Variants in SEPTIN5 observed in about 807,000 individuals in gnomAD.
The protein encoded by SEPTIN5 is septin 5.
SEPTIN5 carries 16 observed loss-of-function variants against 51.2 expected under a neutral mutation model. That is an observed-to-expected ratio of 0.31 (90% CI 0.21 to 0.47). The LOEUF (loss-of-function observed/expected upper bound fraction) is 0.47, where lower values mean the gene tolerates loss of function less well. Ranked by LOEUF, SEPTIN5 falls within the 20% of genes least tolerant of loss-of-function variation. The pLI is 0.99. For synonymous variants in SEPTIN5, 208 were observed against 191.2 expected (o/e 1.09, Z -0.72); for missense variants, 376 against 500.3 (o/e 0.75, Z 2.37).
rs1936070119 is a variant in SEPTIN5, at chr22:19,722,592, C to G, written c.*108C>G. On this transcript the variant is annotated 3_prime_UTR_variant, in exon 12 of 12. Transcript: ENST00000455784. ...GCGGGGCCACAGCCCCCAGCTGACC[C>G]TAATTTATTCTCAGCACCACCCCCT... is the stretch of plus-strand genomic sequence containing the variant. The G allele has an allele frequency of 1.7e-6, 2 of 1,178,312 alleles. No individual in the cohort carries two copies. The highest frequency in any genetic ancestry group is 5.1e-5 in the East Asian group (2 of 38,888). The allele number at this position is 1,178,312 out of a possible 1,614,324, so 73.0% of individuals were successfully genotyped here. A position where few individuals can be genotyped will look rare whatever the true frequency, so the allele number is the denominator to read the frequency against.
intron 2 of SEPTIN5, chr22:19,717,662 C>G (rs765252819): frequency 3.5e-6 from 1 of 288,116 alleles, no homozygotes; most frequent in African/African-American, 2.3e-5. Flanking sequence ...CCTTCCCTTC[C>G]CTTCTGTCCA....
At chr22:19,718,268 C>A in intron 2 of SEPTIN5, 1 of 392,478 alleles carries the variant, frequency 2.5e-6, no homozygotes, top group Non-Finnish European at 3.5e-6. Context: ...CCCGGGGGCG[C>A]GGCAGGGCTC....
At chr22:19,721,188 A>G (rs1164686563) in intron 8 of SEPTIN5, among the ~76,000 whole-genome samples, 1 of 152,194 alleles carries the variant, frequency 6.6e-6, no homozygotes, top group African/African-American at 2.4e-5. Context: ...ATGGGTCACC[A>G]GAGGAAGGGG....
intron 2 of SEPTIN5, chr22:19,717,877 A>G (rs1935937897): frequency 5.9e-6 from 1 of 169,428 alleles, no homozygotes; most frequent in Non-Finnish European, 1.3e-5. Flanking sequence ...CATTACACAC[A>G]CACACATTAC....
chr22:19,721,604 T>A, intron 8 of SEPTIN5, 36 bp from the exon 9 acceptor site: 1 of 1,610,106 alleles, frequency 6.2e-7, no homozygotes, highest in Non-Finnish European at 8.5e-7. Flanking sequence ...GCAATTACGC[T>A]CACCGGGTGT....
At position 19,714,736 on chromosome 22, in the gene SEPTIN5, C is replaced by A; in HGVS notation, c.44-45C>A. On this transcript the variant is annotated intron_variant, in intron 1 of 11. Coordinates refer to ENST00000455784, the MANE Select transcript of SEPTIN5 (RefSeq NM_002688.6). This position sits in a 1 kb window ranked among gnomAD's most constrained non-coding sequence, Gnocchi z 5.2. ...TCTCCCCCGCCCGCCGGCCCGGACC[C>A]GCTCGGAACCGGACCCGGACTCGAC... The A allele has an allele frequency of 6.3e-7, 1 of 1,579,038 alleles. No homozygotes were observed. The highest frequency in any genetic ancestry group is 2.3e-5 in the East Asian group (1 of 43,040).
rs767642478 is a variant in SEPTIN5 at position 19,719,810 on chromosome 22, G to A, written c.156G>A (p.Glu52=). 13 of 1,612,938 alleles carry A rather than the reference G, an allele frequency of 8.1e-6. No individual in the cohort carries two copies. The highest frequency in any genetic ancestry group is 1.7e-6 in the Non-Finnish European group (2 of 1,179,974). The change falls in exon 4 of 12, where the codon GAG becomes GAA. Residue 52 remains glutamate, a synonymous_variant. Coordinates refer to ENST00000455784, the MANE Select transcript of SEPTIN5 (RefSeq NM_002688.6). ...CTTCTCTGTACCTGTGTGCAGGTGAGTCAGGCCTGGGGAAGTCCACACTGG... is the reference window on the plus strand; with the variant it reads ...CTTCTCTGTACCTGTGTGCAGGTGAATCAGGCCTGGGGAAGTCCACACTGG... ...GFDFTLMVAG[E]SGLGKSTLVH...
rs1014517317 is a variant in SEPTIN5, at chr22:19,722,245, C to T, written c.959C>T (p.Thr320Ile). ...CCCCCCGCCCCGCGCAGCAAACTGACCCAGGACAGCCGCATGGAGAGCCCC... is the reference window on the plus strand; with the variant it reads ...CCCCCCGCCCCGCGCAGCAAACTGATCCAGGACAGCCGCATGGAGAGCCCC... ...HCIQQMTSKL[T>I]QDSRMESPIP... is the part of the protein sequence containing the mutation. The change falls in exon 11 of 12, where the codon ACC becomes ATC. Residue 320 changes from threonine to isoleucine, a missense_variant. Transcript: ENST00000455784. 8 of 1,606,114 alleles carry T rather than the reference C, an allele frequency of 5.0e-6. No individual in the cohort carries two copies. The highest frequency in any genetic ancestry group is 6.8e-6 in the Non-Finnish European group (8 of 1,176,552).
In SEPTIN5 at chr22:19,722,978, G is replaced by C. The variant is rs1354163377; in HGVS notation, c.*494G>C. The C allele has an allele frequency of 1.3e-5, 6 of 445,386 alleles. No homozygotes were observed. Among genetic ancestry groups the C allele is most frequent in the African/African-American group, 5.9e-5 (3 of 50,842 alleles). 27.6% of individuals were successfully genotyped at this position (445,386 alleles called of 1,614,324 possible). ...TTATCCCCAGACGCCTAGCGGGCAG[G>C]GTTGGGCTGAATCAAATGGGAGCCC... is the stretch of plus-strand genomic sequence containing the variant. On this transcript the variant is annotated 3_prime_UTR_variant, in exon 12 of 12. Coordinates refer to ENST00000455784, the MANE Select transcript of SEPTIN5 (RefSeq NM_002688.6).
chr22:19,722,209 C>CCCCCCCCCG, intron 10 of SEPTIN5, 28 bp from the exon 11 acceptor site: 1 of 1,433,252 alleles, frequency 7.0e-7, no homozygotes, highest in Non-Finnish European at 9.5e-7. Context: ...GGCGCCGCCC[C>CCCCCCCCCG]GCCCATCCTC....
At position 19,723,125 on chromosome 22, in the gene SEPTIN5, A is replaced by G; in HGVS notation, c.*641A>G. 1 of 545,402 alleles carries G rather than the reference A, an allele frequency of 1.8e-6. No individual in the cohort carries two copies. The highest frequency in any genetic ancestry group is 3.5e-6 in the Non-Finnish European group (1 of 284,534). 33.8% of individuals were successfully genotyped at this position (545,402 alleles called of 1,614,324 possible). On this transcript the variant is annotated 3_prime_UTR_variant, in exon 12 of 12. Transcript: ENST00000455784. ...ACTGGGCGGTGAGCCACCTCCTGGC[A>G]ACTCTCGGTGCCGTCCCCTGCCCTC...
In SEPTIN5 at chr22:19,723,290, G is replaced by A. The variant is rs1395134391; in HGVS notation, c.*806G>A. 3 of 696,086 alleles carry A rather than the reference G, an allele frequency of 4.3e-6. No homozygotes were observed. The highest frequency in any genetic ancestry group is 1.7e-5 in the African/African-American group (1 of 57,158). The allele number at this position is 696,086 out of a possible 1,614,324, so 43.1% of individuals were successfully genotyped here. A position where few individuals can be genotyped will look rare whatever the true frequency, so the allele number is the denominator to read the frequency against. On this transcript the variant is annotated 3_prime_UTR_variant, in exon 12 of 12. Transcript: ENST00000455784. ...CGTTGTGAATGCCGCGTCCTGTCCT[G>A]GTGACAGGAGAACAATGTTGGTGAA...
chr22:19,716,437 C>T lies in SEPTIN5; in HGVS notation c.54+1646C>T, dbSNP rs145709680. Among the ~76,000 whole-genome samples the T allele has an allele frequency of 2.0e-4, 30 of 152,380 alleles. No individual in the cohort carries two copies. In the East Asian group the frequency reaches 5.2e-3, roughly 26 times the overall value. On this transcript the variant is annotated intron_variant, in intron 2 of 11. Coordinates refer to ENST00000455784, the MANE Select transcript of SEPTIN5 (RefSeq NM_002688.6). ...AGCACCGGTGATCTCTTGGCCCTGG[C>T]TGCTGCTCCCAGAGCTGACTCGGGT...
chr22:19,719,462 C>T, intron 2 of SEPTIN5, 140 bp from the exon 3 acceptor site: 3 of 666,044 alleles, frequency 4.5e-6, no homozygotes, highest in African/African-American at 1.8e-5. Context: ...CACGGGCCCT[C>T]CCCTTATTTT....
rs573929440 is a variant in SEPTIN5 at position 19,722,194 on chromosome 22, C to A, written c.951-43C>A. On this transcript the variant is annotated intron_variant, in intron 10 of 11. Coordinates refer to ENST00000455784, the MANE Select transcript of SEPTIN5 (RefSeq NM_002688.6). ...GCATCGCCAGCCCACGCTGAGCCTC[C>A]CGGTGGCGCCGCCCCGCCCATCCTC... is the stretch of plus-strand genomic sequence containing the variant. The A allele has an allele frequency of 2.9e-6, 4 of 1,397,308 alleles. No homozygotes were observed. In the South Asian group the frequency reaches 5.3e-5, roughly 19 times the overall value. 86.6% of individuals were successfully genotyped at this position (1,397,308 alleles called of 1,614,324 possible). A position where few individuals can be genotyped will look rare whatever the true frequency, so the allele number is the denominator to read the frequency against.
Position 19,714,570 on chromosome 22 carries a change from T to TC in SEPTIN5, c.-14dup. 3 of 1,382,844 alleles carry TC rather than the reference T, an allele frequency of 2.2e-6. No homozygotes were observed. Among genetic ancestry groups the TC allele is most frequent in the Admixed American group, 2.9e-5 (1 of 33,928 alleles). The allele number at this position is 1,382,844 out of a possible 1,614,324, so 85.7% of individuals were successfully genotyped here. A position where few individuals can be genotyped will look rare whatever the true frequency, so the allele number is the denominator to read the frequency against. On this transcript the variant is annotated 5_prime_UTR_variant, in exon 1 of 12. Transcript: ENST00000455784. The surrounding 1 kb of genome is among the most constrained non-coding windows in gnomAD (Gnocchi z 5.2). The stretch of plus-strand genomic sequence containing the variant: ...CCCGCCCGCGAGCCCGCCCCGCACG[T>TC]CCCCCGCCGGCGGCCACCATGAGCA...
intron 2 of SEPTIN5, chr22:19,719,071 C>T: frequency 5.7e-6 from 2 of 350,048 alleles, no homozygotes; most frequent in Non-Finnish European, 1.0e-5. Context: ...TCTGCGGGGG[C>T]TGGGCGCCTG....
rs755067985 is a variant in SEPTIN5 at position 19,720,544 on chromosome 22, G to T, written c.498-5G>T. On this transcript the variant is annotated splice_polypyrimidine_tract_variant and splice_region_variant and intron_variant, in intron 6 of 11. Transcript: ENST00000455784. ...CCTATGCCCACCCTTGGCTGCTCTC[G>T]GCAGGCTGCGGCCAGTGGATGTGGG... 2 of 1,613,164 alleles carry T rather than the reference G, an allele frequency of 1.2e-6. No homozygotes were observed. Among genetic ancestry groups the T allele is most frequent in the Non-Finnish European group, 1.7e-6 (2 of 1,180,014 alleles).
chr22:19,720,634 G>A lies in SEPTIN5; in HGVS notation c.583G>A (p.Val195Ile), dbSNP rs761101638. The A allele has an allele frequency of 6.2e-7, 1 of 1,612,868 alleles. No individual in the cohort carries two copies. Among genetic ancestry groups the A allele is most frequent in the African/African-American group, 1.3e-5 (1 of 74,942 alleles). ...VPLIAKADCLVPSEIRKLKER... is the reference protein window; with the variant it reads ...VPLIAKADCLIPSEIRKLKER... ...TCTCATCGCCAAAGCTGACTGTCTT[G>A]TCCCCAGTGAGATCCGGAAGCTGAA... The change falls in exon 7 of 12, where the codon GTC (valine) becomes ATC (isoleucine). Residue 195 changes from valine (V) to isoleucine (I), a missense_variant. Physicochemically the swap from Val to Ile is conservative, Grantham distance 29 (BLOSUM62 3). Around this residue, in one of 2 missense-constraint regions of SEPTIN5, gnomAD observed 287 missense variants for 417.1 expected, o/e 0.69. Transcript: ENST00000455784.
Sources: gnomAD v4.1 joint callset for allele counts (sites outside exome capture counted in the v4.1 genomes callset) on GRCh38, gnomAD v4.1.1 for gene constraint, gnomAD v4.1.1 regional missense constraint, Gnocchi (gnomAD v3.1) non-coding constraint, MANE v1.5 for transcripts, NCBI Gene and HGNC (gene_info 2026-07-23, HGNC 2026-07-21) for gene names.